BANP: variants seen among roughly 807,000 people sequenced by gnomAD.
BANP encodes BTG3 associated nuclear protein, also known as protein BANP.
A neutral mutation model predicts 68.1 loss-of-function variants in BANP; 11 were observed. That is an observed-to-expected ratio of 0.16 (90% confidence interval 0.10 to 0.27). The LOEUF (loss-of-function observed/expected upper bound fraction) is 0.27. Ranked by LOEUF, BANP falls within the 10% of genes least tolerant of loss-of-function variation. The pLI, the probability that BANP is intolerant of heterozygous loss-of-function variation, is 1.00. For missense variants in BANP, 504 were observed against 722.7 expected (o/e 0.70, Z 3.47); for synonymous variants, 329 against 303.2 (o/e 1.09, Z -0.88).
At chr16:88,049,506 G>T (rs537829571) in intron 11 of BANP, among the ~76,000 whole-genome samples, 167 of 152,152 alleles carry the variant, frequency 1.1e-3, no homozygotes, top group Non-Finnish European at 1.7e-3. Context: ...CCTTCCCCAG[G>T]GTCTAGGGCA....
chr16:88,049,596 G>A (rs751658910), intron 11 of BANP, among the ~76,000 whole-genome samples: 12 of 152,132 alleles, frequency 7.9e-5, no homozygotes, highest in East Asian at 5.8e-4. Context: ...GTGAGAGCCC[G>A]CCCCTGAGGT....
intron 2 of BANP, chr16:87,980,766 A>G (rs2063105926): frequency 4.6e-6 from 2 of 431,852 alleles, no homozygotes; most frequent in Non-Finnish European, 8.4e-6. Flanking sequence ...CCCGCAGAGC[A>G]TGGAGTCAGA....
chr16:88,028,945 C>G (rs2077539395), intron 8 of BANP, among the ~76,000 whole-genome samples: 1 of 152,196 alleles, frequency 6.6e-6, no homozygotes, highest in Non-Finnish European at 1.5e-5. Context: ...TTCCCTTTGT[C>G]TTTCATTGTA....
intron 1 of BANP, among the ~76,000 whole-genome samples, chr16:87,964,533 G>C (rs2059706650): frequency 6.6e-6 from 1 of 152,278 alleles, no homozygotes; most frequent in East Asian, 1.9e-4. Flanking sequence ...CCAAATGCAG[G>C]GGCCGAGTGA....
At chr16:87,979,717 A>T (rs571082844) in intron 2 of BANP, among the ~76,000 whole-genome samples, 2 of 152,328 alleles carry the variant, frequency 1.3e-5, no homozygotes, top group African/African-American at 4.8e-5. Flanking sequence ...TTCTATCAGA[A>T]GTGTTACAAT....
At chr16:88,039,817 G>C (rs1186434565) in intron 11 of BANP, among the ~76,000 whole-genome samples, 1 of 150,290 alleles carries the variant, frequency 6.7e-6, no homozygotes, top group Non-Finnish European at 1.5e-5. Flanking sequence ...TGGTTCCTCC[G>C]TCACTGCTGC....
chr16:87,963,501 C>T (rs2059547826), intron 1 of BANP: 1 of 152,200 alleles, frequency 6.6e-6, no homozygotes, highest in Non-Finnish European at 1.5e-5. Flanking sequence ...TGATTCACAC[C>T]ACGTCAGAGC....
chr16:88,003,741 C>T lies in BANP; in HGVS notation c.363-554C>T, dbSNP rs2070123250. On this transcript the variant is annotated intron_variant, in intron 4 of 13. Transcript: ENST00000682872. This position sits in a 1 kb window ranked among gnomAD's most constrained non-coding sequence, Gnocchi z 6.1. ...TGGTTGTAGCTCACACATGTTCCTG[C>T]AGGACCTGGAGGCAGCATGTGTGTC... 1 of 334,438 alleles carries T rather than the reference C, an allele frequency of 3.0e-6. No individual in the cohort carries two copies. The highest frequency in any genetic ancestry group is 5.9e-6 in the Non-Finnish European group (1 of 170,488). The allele number at this position is 334,438 out of a possible 1,614,324, so 20.7% of individuals were successfully genotyped here.
chr16:87,955,380 T>C (rs911860367), intron 1 of BANP, among the ~76,000 whole-genome samples: 9 of 152,224 alleles, frequency 5.9e-5, no homozygotes, highest in Admixed American at 3.3e-4. Flanking sequence ...AATTTTCAGA[T>C]AGTTTTTGAC....
chr16:87,995,170 G>A (rs769536365), intron 4 of BANP, among the ~76,000 whole-genome samples: 69 of 152,376 alleles, frequency 4.5e-4, no homozygotes, highest in Middle Eastern at 3.4e-3. Flanking sequence ...CCGTGTGTGC[G>A]CACAATGGGC....
intron 13 of BANP, among the ~76,000 whole-genome samples, chr16:88,074,855 CCCT>C (rs1237020687): frequency 1.3e-5 from 2 of 152,178 alleles, no homozygotes; most frequent in African/African-American, 4.8e-5. Context: ...CCTGGAAGGC[CCCT>C]CCTCCATCCA....
chr16:88,060,320 C>A (rs1436400639), intron 11 of BANP, among the ~76,000 whole-genome samples: 1 of 152,252 alleles, frequency 6.6e-6, no homozygotes, highest in Non-Finnish European at 1.5e-5. Context: ...GCTGGTCACT[C>A]CTCCACTTGG....
At position 87,978,683 on chromosome 16, in the gene BANP, G is replaced by A. The variant is rs61063930; in HGVS notation, c.71-2353G>A. ...CGCACCTCAGCCCCTGAGTAGCTGG[G>A]ACTATCCAGGTTAATAGCTTAAAGT... On this transcript the variant is annotated intron_variant, in intron 2 of 13. Transcript: ENST00000682872. The A allele has an allele frequency of 2.3e-3, 1,071 of 469,556 alleles. 9 individuals are homozygous for A. Among genetic ancestry groups the A allele is most frequent in the African/African-American group, 0.019 (954 of 50,152 alleles). 29.1% of individuals were successfully genotyped at this position (469,556 alleles called of 1,614,324 possible). A position where few individuals can be genotyped will look rare whatever the true frequency, so the allele number is the denominator to read the frequency against.
chr16:87,961,440 A>G (rs1044029650), intron 1 of BANP, among the ~76,000 whole-genome samples: 2 of 138,244 alleles, frequency 1.4e-5, no homozygotes, highest in African/African-American at 5.2e-5. Flanking sequence ...TGCTGGGATT[A>G]CGGGCGTGAG....
In BANP at chr16:87,962,359, T is replaced by C. The variant is rs1267371503; in HGVS notation, c.-69+10844T>C. ...ACAGCGTTAATATGTAATGTGTTAA[T>C]TTGTATGATTTTTACATGAATTAAA... On this transcript the variant is annotated intron_variant, in intron 1 of 13. Transcript: ENST00000682872. Among the ~76,000 whole-genome samples, 3 of 152,120 alleles carry C rather than the reference T, an allele frequency of 2.0e-5. No individual in the cohort carries two copies. In the East Asian group the frequency reaches 5.8e-4, roughly 29 times the overall value.
chr16:88,049,682 G>C (rs961644877), intron 11 of BANP, among the ~76,000 whole-genome samples: 2 of 152,136 alleles, frequency 1.3e-5, no homozygotes, highest in Non-Finnish European at 2.9e-5. Flanking sequence ...GACAAAACCA[G>C]TATCTCTCGT....
At chr16:88,014,442 T>TG (rs1313234920) in intron 6 of BANP, among the ~76,000 whole-genome samples, 1 of 151,716 alleles carries the variant, frequency 6.6e-6, no homozygotes, top group Non-Finnish European at 1.5e-5. Flanking sequence ...GTTCTCGGTG[T>TG]GGGCATGGAG....
intron 7 of BANP, among the ~76,000 whole-genome samples, chr16:88,024,724 A>AG (rs1316175276): frequency 1.3e-5 from 2 of 152,248 alleles, no homozygotes; most frequent in South Asian, 2.1e-4. Context: ...TGTGGCCGGC[A>AG]GGGGGCATTC....
At chr16:87,951,329 G>C (rs1276007721), upstream of BANP, 2 of 151,958 alleles carry the variant, frequency 1.3e-5, no homozygotes, top group Non-Finnish European at 2.9e-5. Context: ...CGCGCAGCTG[G>C]CCTCACTGCC....
Sources: gnomAD v4.1 joint callset for allele counts (sites outside exome capture counted in the v4.1 genomes callset) on GRCh38, gnomAD v4.1.1 for gene constraint, Gnocchi (gnomAD v3.1) non-coding constraint, MANE v1.5 for transcripts, NCBI Gene and HGNC (gene_info 2026-07-23, HGNC 2026-07-21) for gene names.